Variants in ADD3 observed in about 807,000 individuals in gnomAD.
The protein encoded by ADD3 is gamma-adducin.
A neutral mutation model predicts 80.2 loss-of-function variants in ADD3; 25 were observed. That is an observed-to-expected ratio of 0.31 (90% CI 0.23 to 0.44). The LOEUF (loss-of-function observed/expected upper bound fraction) is 0.44. Among genes scored for constraint, ADD3 ranks in the 20% least tolerant of loss-of-function variants. ADD3 has a pLI of 1.00. For missense variants in ADD3, 829 were observed against 847.5 expected (o/e 0.98, Z 0.27); for synonymous variants, 284 against 289.6 (o/e 0.98, Z 0.20).
intron 1 of ADD3, among the ~76,000 whole-genome samples, chr10:110,058,464 C>CAGAT (rs1261680526): frequency 6.6e-6 from 1 of 151,986 alleles, no homozygotes; most frequent in African/African-American, 2.4e-5. Flanking sequence ...TAATGTGTAC[C>CAGAT]ATCTGATTGA....
At chr10:110,016,555 G>C (rs1055753620) in intron 1 of ADD3, 1 of 152,208 alleles carries the variant, frequency 6.6e-6, no homozygotes. Context: ...GGCTCCTGCA[G>C]ACAATAATGA....
intron 2 of ADD3, among the ~76,000 whole-genome samples, chr10:110,101,176 T>C (rs1237037940): frequency 1.3e-5 from 2 of 152,166 alleles, no homozygotes; most frequent in East Asian, 3.8e-4. Context: ...AATAAATAAG[T>C]TAGGTATATC....
At chr10:110,105,572 C>T (rs1849314619) in intron 2 of ADD3, among the ~76,000 whole-genome samples, 1 of 152,168 alleles carries the variant, frequency 6.6e-6, no homozygotes, top group Admixed American at 6.5e-5. Context: ...GCCTTACCAC[C>T]ATGGGAAGCA....
intron 1 of ADD3, among the ~76,000 whole-genome samples, chr10:110,080,645 T>G (rs895483201): frequency 1.3e-5 from 2 of 152,236 alleles, no homozygotes; most frequent in Non-Finnish European, 2.9e-5. Context: ...AAGTTATGTT[T>G]GTTTTTAAAA....
chr10:110,051,948 C>T (rs1226686889), intron 1 of ADD3, among the ~76,000 whole-genome samples: 1 of 152,156 alleles, frequency 6.6e-6, no homozygotes, highest in East Asian at 1.9e-4. Flanking sequence ...ACCACAGGCC[C>T]ACGCCATCAT....
intron 1 of ADD3, among the ~76,000 whole-genome samples, chr10:110,065,544 T>TTTTTTTTTC (rs1554928300): frequency 0.027 from 2,059 of 76,416 alleles, 254 homozygotes; most frequent in African/African-American, 0.11. Context: ...CTCCCCTTTT[T>TTTTTTTTTC]TTTTTTTTTT....
chr10:110,117,196 T>A, intron 4 of ADD3, 146 bp from the exon 5 acceptor site: 1 of 512,598 alleles, frequency 2.0e-6, no homozygotes, highest in South Asian at 3.3e-5. Flanking sequence ...TAGGAAAGTT[T>A]CATGTTGTAG....
At chr10:110,085,687 G>T (rs181263138) in intron 1 of ADD3, among the ~76,000 whole-genome samples, 48 of 152,318 alleles carry the variant, frequency 3.2e-4, no homozygotes, top group Non-Finnish European at 5.1e-4. Flanking sequence ...AGACTGAGAC[G>T]TGGGCCCTAG....
chr10:110,034,284 A>T (rs913026130), intron 1 of ADD3, among the ~76,000 whole-genome samples: 2 of 152,128 alleles, frequency 1.3e-5, no homozygotes, highest in African/African-American at 4.8e-5. Flanking sequence ...GTCATTTTAC[A>T]TAGAAATGTT....
intron 1 of ADD3, among the ~76,000 whole-genome samples, chr10:110,011,647 A>G (rs75172970): frequency 0.015 from 2,259 of 152,366 alleles, 19 homozygotes; most frequent in South Asian, 0.029. Context: ...TTTTAAAAAA[A>G]CTTTAAATAT....
At chr10:110,031,119 A>G (rs1308820279) in intron 1 of ADD3, among the ~76,000 whole-genome samples, 1 of 152,192 alleles carries the variant, frequency 6.6e-6, no homozygotes, top group African/African-American at 2.4e-5. Context: ...TACTAAAACT[A>G]CAAAATTAGC....
rs12259211 is a variant in ADD3 at position 110,052,902 on chromosome 10, G to T, written c.-30+44603G>T. On this transcript the variant is annotated intron_variant, in intron 1 of 14. Transcript: ENST00000356080. ...TTAAGAAACATTGTTCAAATGGAGT[G>T]CAGGAACAACCATAAATATATAGTA... Among the ~76,000 whole-genome samples, 708 of 152,222 alleles carry T rather than the reference G, an allele frequency of 4.7e-3. 10 individuals carry two copies. Among genetic ancestry groups the T allele is most frequent in the African/African-American group, 0.016 (654 of 41,532 alleles).
chr10:110,007,456 C>T (rs28365866), upstream of ADD3, among the ~76,000 whole-genome samples: 21,536 of 152,254 alleles, frequency 0.14, 1,886 homozygotes, highest in East Asian at 0.4. Flanking sequence ...TGACTCAAAG[C>T]GGCGGCTCAG....
At chr10:110,019,744 GA>G (rs1470883684) in intron 1 of ADD3, among the ~76,000 whole-genome samples, 2 of 152,192 alleles carry the variant, frequency 1.3e-5, no homozygotes, top group Non-Finnish European at 2.9e-5. Flanking sequence ...TTATGCTTCT[GA>G]AGAAGCTGAA....
At chr10:110,019,484 A>G (rs1853405476) in intron 1 of ADD3, among the ~76,000 whole-genome samples, 1 of 151,710 alleles carries the variant, frequency 6.6e-6, no homozygotes. Context: ...CCTCCCGAGT[A>G]GCTGGGACTA....
upstream of ADD3, among the ~76,000 whole-genome samples, chr10:110,007,501 G>A (rs916561009): frequency 2.0e-5 from 3 of 152,226 alleles, no homozygotes. Flanking sequence ...CGCTCATTTA[G>A]GGCGGGAGAC....
At chr10:109,999,642 T>C (rs1851445648) in intron 1 of ADD3, among the ~76,000 whole-genome samples, 1 of 152,228 alleles carries the variant, frequency 6.6e-6, no homozygotes, top group Non-Finnish European at 1.5e-5. Context: ...CATGATTAAA[T>C]GTAGTATAAA....
At chr10:110,065,831 C>T (rs541476679) in intron 1 of ADD3, among the ~76,000 whole-genome samples, 3 of 151,532 alleles carry the variant, frequency 2.0e-5, no homozygotes, top group South Asian at 2.1e-4. Flanking sequence ...TGAGCCACGG[C>T]GCCCGACCTC....
upstream of ADD3, among the ~76,000 whole-genome samples, chr10:110,001,391 A>T (rs1199252388): frequency 1.4e-5 from 2 of 147,670 alleles, no homozygotes; most frequent in Non-Finnish European, 3.0e-5. Flanking sequence ...CTCCAGCCTG[A>T]GAGACAGAGT....
Sources: allele counts gnomAD v4.1 joint callset (sites outside exome capture counted in the v4.1 genomes callset), GRCh38; gene constraint gnomAD v4.1.1; transcripts MANE v1.5; gene names NCBI Gene and HGNC (gene_info 2026-07-23, HGNC 2026-07-21).